The following KLF12 variants were observed in gnomAD, a reference collection of about 807,000 sequenced individuals.
The protein encoded by KLF12 is Krueppel-like factor 12.
In KLF12, 9 loss-of-function variants were observed where a neutral mutation model predicts 37.8. The ratio of observed to expected loss-of-function variants is 0.24; its 90% CI spans 0.14 to 0.42. The LOEUF (loss-of-function observed/expected upper bound fraction) is 0.42, where lower values mean the gene tolerates loss of function less well. Among genes scored for constraint, KLF12 ranks in the 10% least tolerant of loss-of-function variants. The pLI, the probability that KLF12 is intolerant of heterozygous loss-of-function variation, is 1.00. For missense variants in KLF12, 411 were observed against 516.0 expected (o/e 0.80, Z 1.97); for synonymous variants, 208 against 202.1 (o/e 1.03, Z -0.25).
intron 1 of KLF12, among the ~76,000 whole-genome samples, chr13:74,004,042 A>T (rs971802128): frequency 2.0e-5 from 3 of 152,152 alleles, no homozygotes; most frequent in Non-Finnish European, 2.9e-5. Flanking sequence ...GTATCCCCCA[A>T]TAAGAATAGG....
At chr13:73,834,957 A>T (rs1884352865) in intron 4 of KLF12, among the ~76,000 whole-genome samples, 1 of 152,218 alleles carries the variant, frequency 6.6e-6, no homozygotes, top group South Asian at 2.1e-4. Flanking sequence ...CCATAGTTTT[A>T]AAAAACACTA....
the KLF12 span, among the ~76,000 whole-genome samples, chr13:74,165,361 C>T: frequency 9.8e-5 from 14 of 143,098 alleles, no homozygotes; most frequent in East Asian, 6.2e-4. Flanking sequence ...AGTGCAGTAG[C>T]GCAATCTTGA....
intron 3 of KLF12, among the ~76,000 whole-genome samples, chr13:73,851,430 CT>C (rs1000384561): frequency 1.3e-5 from 2 of 151,992 alleles, no homozygotes; most frequent in African/African-American, 4.8e-5. Context: ...TCATTTGATA[CT>C]TTTTTTTCCT....
At chr13:74,263,718 G>A in the KLF12 span, among the ~76,000 whole-genome samples, 1 of 152,090 alleles carries the variant, frequency 6.6e-6, no homozygotes, top group Non-Finnish European at 1.5e-5. Flanking sequence ...CCAGCCTGGC[G>A]ACAGAGCGAG....
In KLF12 at chr13:73,689,234, T is replaced by C. The variant is rs1409009065; in HGVS notation, c.*6256A>G. The C allele has an allele frequency of 6.6e-6, 1 of 152,148 alleles. No individual in the cohort carries two copies. Among genetic ancestry groups the C allele is most frequent in the African/African-American group, 2.4e-5 (1 of 41,440 alleles). 9.4% of individuals were successfully genotyped at this position (152,148 alleles called of 1,614,324 possible). ...CTTAATTGGTTATTTTACCCCCTTA[T>C]CCTGGTACATTTCCGTCTCCCTTTT... On this transcript the variant is annotated 3_prime_UTR_variant, in exon 8 of 8. Coordinates refer to ENST00000377669, the MANE Select transcript of KLF12 (RefSeq NM_007249.5).
chr13:73,840,317 G>A (rs554631725), intron 4 of KLF12, among the ~76,000 whole-genome samples: 5 of 152,096 alleles, frequency 3.3e-5, no homozygotes, highest in East Asian at 3.9e-4. Flanking sequence ...GTGTCCAGTC[G>A]TCCATGCTTC....
chr13:74,283,056 A>T, the KLF12 span, among the ~76,000 whole-genome samples: 5 of 152,222 alleles, frequency 3.3e-5, no homozygotes, highest in African/African-American at 4.8e-5. Context: ...TCCAAAAAAG[A>T]CATAAAATTC....
chr13:73,812,427 CTTAAT>C (rs1425918752), intron 5 of KLF12, among the ~76,000 whole-genome samples: 2 of 59,190 alleles, frequency 3.4e-5, no homozygotes, highest in Non-Finnish European at 9.4e-5. Context: ...TATTAATTAA[CTTAAT>C]TGTGGTAAAC....
chr13:74,182,002 G>C, the KLF12 span, among the ~76,000 whole-genome samples: 1 of 152,142 alleles, frequency 6.6e-6, no homozygotes, highest in South Asian at 2.1e-4. Context: ...TTTTCAGTTA[G>C]AGATACATAG....
intron 3 of KLF12, among the ~76,000 whole-genome samples, chr13:73,897,100 G>A (rs1338454038): frequency 7.0e-6 from 1 of 143,084 alleles, no homozygotes; most frequent in East Asian, 2.9e-4. Context: ...TGTTTCCCAT[G>A]GCAAAAATGA....
chr13:73,962,540 G>A (rs1891051296), intron 2 of KLF12, among the ~76,000 whole-genome samples: 1 of 152,196 alleles, frequency 6.6e-6, no homozygotes, highest in Non-Finnish European at 1.5e-5. Context: ...CCACTGTCGT[G>A]CAGGATGCTG....
chr13:74,145,680 A>T, the KLF12 span, among the ~76,000 whole-genome samples: 4 of 152,192 alleles, frequency 2.6e-5, no homozygotes, highest in African/African-American at 9.7e-5. Context: ...TTTATTTAGT[A>T]ACATGTAATC....
the KLF12 span, among the ~76,000 whole-genome samples, chr13:74,238,917 G>A: frequency 6.7e-6 from 1 of 150,328 alleles, no homozygotes; most frequent in Non-Finnish European, 1.5e-5. Context: ...ATTTTTTGAA[G>A]GGTTTTTTGT....
At chr13:73,778,846 C>T (rs1880787689) in intron 5 of KLF12, among the ~76,000 whole-genome samples, 1 of 152,058 alleles carries the variant, frequency 6.6e-6, no homozygotes, top group Non-Finnish European at 1.5e-5. Flanking sequence ...TTAAACAACA[C>T]CTTACTTTGT....
the KLF12 span, among the ~76,000 whole-genome samples, chr13:74,251,759 A>C: frequency 1.3e-5 from 2 of 152,216 alleles, no homozygotes; most frequent in South Asian, 4.2e-4. Flanking sequence ...ACGAACTTTC[A>C]AAAGGGTCAG....
chr13:74,246,513 G>A, the KLF12 span, among the ~76,000 whole-genome samples: 1 of 152,214 alleles, frequency 6.6e-6, no homozygotes, highest in Admixed American at 6.5e-5. Flanking sequence ...AAATACAGGG[G>A]AACCACTCTG....
In KLF12 at chr13:74,020,804, T is replaced by C. The variant is rs150097601; in HGVS notation, c.-31-25751A>G. Among the ~76,000 whole-genome samples, 1,178 of 150,170 alleles carry C rather than the reference T, an allele frequency of 7.8e-3. 9 individuals are homozygous for C. The highest frequency in any genetic ancestry group is 0.027 in the African/African-American group (1,097 of 40,702). ...TACTCGGGAGGCTGAGGCAGGAGAA[T>C]GGCGTGAACCCGGGAGGCGGAGCTT... On this transcript the variant is annotated intron_variant, in intron 1 of 7. Transcript: ENST00000377669.
At chr13:74,084,652 A>C (rs990802386) in intron 1 of KLF12, among the ~76,000 whole-genome samples, 1 of 152,204 alleles carries the variant, frequency 6.6e-6, no homozygotes, top group Non-Finnish European at 1.5e-5. Flanking sequence ...CCACAATAAC[A>C]GTGTTCCGTT....
At chr13:74,133,520 T>C (rs1001532406) in intron 1 of KLF12, among the ~76,000 whole-genome samples, 1 of 152,074 alleles carries the variant, frequency 6.6e-6, no homozygotes, top group Non-Finnish European at 1.5e-5. Context: ...CGACCGACGC[T>C]ACTTGCTTTG....
Sources: gnomAD v4.1 joint callset for allele counts (sites outside exome capture counted in the v4.1 genomes callset) on GRCh38, gnomAD v4.1.1 for gene constraint, MANE v1.5 for transcripts, NCBI Gene and HGNC (gene_info 2026-07-23, HGNC 2026-07-21) for gene names.